Variants in RABGEF1 observed in about 807,000 individuals in gnomAD.
RABGEF1 encodes RAB guanine nucleotide exchange factor 1, also known as rab5 GDP/GTP exchange factor.
In RABGEF1, 26 loss-of-function variants were observed where a neutral mutation model predicts 57.3. That is an observed-to-expected ratio of 0.45 (90% CI 0.33 to 0.63). The LOEUF (loss-of-function observed/expected upper bound fraction) is 0.63, where lower values mean the gene tolerates loss of function less well. Among genes scored for constraint, RABGEF1 ranks in the 20% least tolerant of loss-of-function variants. RABGEF1 has a pLI of 0.02. For missense variants in RABGEF1, 464 were observed against 607.6 expected, an observed-to-expected ratio of 0.76 and a Z score of 2.48; for synonymous variants, 185 against 210.7, an observed-to-expected ratio of 0.88 and a Z score of 1.06.
chr7:66,688,516 A>G (rs547640766), intron 1 of RABGEF1, among the ~76,000 whole-genome samples: 11 of 152,338 alleles, frequency 7.2e-5, no homozygotes, highest in Non-Finnish European at 1.6e-4. Flanking sequence ...TTAGGCTGCA[A>G]AACAAGTATT....
chr7:66,728,603 TC>T (rs1457876163), intron 2 of RABGEF1, among the ~76,000 whole-genome samples: 1 of 152,274 alleles, frequency 6.6e-6, no homozygotes, highest in African/African-American at 2.4e-5. Context: ...TCCACCTCTA[TC>T]CCCAACTTCA....
intron 1 of RABGEF1, among the ~76,000 whole-genome samples, chr7:66,741,653 C>CT (rs1414804407): frequency 1.3e-5 from 2 of 152,132 alleles, no homozygotes; most frequent in Non-Finnish European, 2.9e-5. Context: ...GGTTTTTGGC[C>CT]TGGAGAGCTG....
chr7:66,772,209 G>C, intron 2 of RABGEF1, 131 bp downstream of exon 2: 2 of 646,622 alleles, frequency 3.1e-6, no homozygotes, highest in Non-Finnish European at 4.6e-6. Context: ...GGAAAAGGAT[G>C]TTTTCCTCTC....
chr7:66,691,366 A>G (rs1421550079), intron 1 of RABGEF1, among the ~76,000 whole-genome samples: 1 of 150,264 alleles, frequency 6.7e-6, no homozygotes, highest in Non-Finnish European at 1.5e-5. Flanking sequence ...AAAACTGTAC[A>G]CAGCCCAGAT....
At chr7:66,695,335 G>A (rs1792159732) in intron 1 of RABGEF1, among the ~76,000 whole-genome samples, 1 of 152,050 alleles carries the variant, frequency 6.6e-6, no homozygotes, top group Admixed American at 6.6e-5. Flanking sequence ...CCTCGAGAAA[G>A]GGTCTGAGAT....
At chr7:66,677,761 CA>C (rs35401177), upstream of RABGEF1, among the ~76,000 whole-genome samples, 15,935 of 67,500 alleles carry the variant, frequency 0.24, 848 homozygotes, top group Middle Eastern at 0.37. Context: ...GACTCCGTCT[CA>C]AAAAAAAAAA....
chr7:66,722,785 C>T (rs1346624264), intron 2 of RABGEF1, among the ~76,000 whole-genome samples: 3 of 152,004 alleles, frequency 2.0e-5, no homozygotes, highest in Non-Finnish European at 4.4e-5. Flanking sequence ...TCTGCATTTC[C>T]GTATGAATTT....
At chr7:66,789,622 G>T (rs1812089570) in intron 4 of RABGEF1, among the ~76,000 whole-genome samples, 1 of 132,898 alleles carries the variant, frequency 7.5e-6, no homozygotes, top group Admixed American at 9.3e-5. Flanking sequence ...GGCGGAGCTT[G>T]CAGTGAGCCT....
chr7:66,668,106 CTTATTT>C, the RABGEF1 span, among the ~76,000 whole-genome samples: 1 of 151,694 alleles, frequency 6.6e-6, no homozygotes, highest in African/African-American at 2.4e-5. Context: ...CCCCATTTTA[CTTATTT>C]TTAGAGACAG....
At chr7:66,736,639 C>T (rs1307064406), upstream of RABGEF1, among the ~76,000 whole-genome samples, 3 of 151,948 alleles carry the variant, frequency 2.0e-5, no homozygotes, top group Non-Finnish European at 4.4e-5. Context: ...GCAGGTGGAT[C>T]ACTTGAGGCC....
the RABGEF1 span, among the ~76,000 whole-genome samples, chr7:66,659,032 C>G: frequency 6.6e-6 from 1 of 152,100 alleles, no homozygotes; most frequent in Non-Finnish European, 1.5e-5. Flanking sequence ...ACCCGGTGCC[C>G]GGCCGAGAAG....
At chr7:66,713,110 C>T (rs1584871214) in intron 2 of RABGEF1, among the ~76,000 whole-genome samples, 1 of 151,506 alleles carries the variant, frequency 6.6e-6, no homozygotes, top group Non-Finnish European at 1.5e-5. Flanking sequence ...TCACCACACC[C>T]AGCCCTTGGG....
intron 1 of RABGEF1, among the ~76,000 whole-genome samples, chr7:66,703,492 G>C (rs1193824072): frequency 2.6e-5 from 4 of 152,142 alleles, no homozygotes; most frequent in African/African-American, 4.8e-5. Flanking sequence ...TGGGGTAAAG[G>C]TCTAACTTTA....
chr7:66,750,236 A>G (rs989210067), intron 1 of RABGEF1, among the ~76,000 whole-genome samples: 1 of 152,218 alleles, frequency 6.6e-6, no homozygotes, highest in Non-Finnish European at 1.5e-5. Context: ...ATGAATGGAC[A>G]CTTTTTAATA....
chr7:66,664,497 G>A, the RABGEF1 span, among the ~76,000 whole-genome samples: 1 of 152,020 alleles, frequency 6.6e-6, no homozygotes, highest in Non-Finnish European at 1.5e-5. Flanking sequence ...GGAGGCTGAG[G>A]TGGGAGGATT....
intron 1 of RABGEF1, among the ~76,000 whole-genome samples, chr7:66,745,287 T>C (rs535744581): frequency 2.6e-5 from 4 of 152,190 alleles, no homozygotes; most frequent in Non-Finnish European, 2.9e-5. Context: ...GCTAGAGACA[T>C]AGAATTTCAG....
In RABGEF1 at chr7:66,799,426, C is replaced by T; in HGVS notation, c.820+12C>T. On this transcript the variant is annotated intron_variant, in intron 7 of 8. Coordinates refer to ENST00000284957, the MANE Select transcript of RABGEF1 (RefSeq NM_014504.3). ...GAAGGCGATCACAGGTCAGTGAAACCAAGAGCCTTTTTATTGGGATGTTTT... is the reference window on the plus strand; with the variant it reads ...GAAGGCGATCACAGGTCAGTGAAACTAAGAGCCTTTTTATTGGGATGTTTT... 1.9e-6 allele frequency: 3 copies of T among 1,566,812 alleles called. No homozygotes were observed. Among genetic ancestry groups the T allele is most frequent in the Non-Finnish European group, 2.6e-6 (3 of 1,138,014 alleles).
At chr7:66,736,901 A>AT (rs1390024627), upstream of RABGEF1, among the ~76,000 whole-genome samples, 1 of 152,066 alleles carries the variant, frequency 6.6e-6, no homozygotes, top group Non-Finnish European at 1.5e-5. Context: ...TATTTATCTA[A>AT]TTATACACAC....
At chr7:66,705,251 A>G (rs1793839881) in intron 1 of RABGEF1, among the ~76,000 whole-genome samples, 2 of 152,010 alleles carry the variant, frequency 1.3e-5, no homozygotes, top group Non-Finnish European at 2.9e-5. Context: ...AAATGCAAAA[A>G]ATTAGCTGGG....
Sources: gnomAD v4.1 joint callset for allele counts (sites outside exome capture counted in the v4.1 genomes callset) on GRCh38, gnomAD v4.1.1 for gene constraint, MANE v1.5 for transcripts, NCBI Gene and HGNC (gene_info 2026-07-23, HGNC 2026-07-21) for gene names.